The following CEP295 variants were observed in gnomAD, a reference collection of about 807,000 sequenced individuals.
CEP295 encodes centrosomal protein of 295 kDa.
A neutral mutation model predicts 291.6 loss-of-function variants in CEP295; 190 were observed. The ratio of observed to expected loss-of-function variants is 0.65; its 90% CI spans 0.58 to 0.73. CEP295 has a LOEUF of 0.73. Ranked by LOEUF, CEP295 falls within the 30% of genes least tolerant of loss-of-function variation. CEP295 has a pLI of 0.00. For synonymous variants in CEP295, 993 were observed against 1,038.8 expected (o/e 0.96, Z 0.85); for missense variants, 2,863 against 2,949.4 (o/e 0.97, Z 0.68).
intron 17 of CEP295, among the ~76,000 whole-genome samples, chr11:93,703,778 T>G (rs868700863): frequency 6.7e-5 from 10 of 149,378 alleles, no homozygotes; most frequent in Middle Eastern, 3.4e-3. Flanking sequence ...TTTTTTTTTT[T>G]TTTTTTTTGA....
At position 93,698,406 on chromosome 11, in the gene CEP295, T is replaced by A. The variant is rs1233467275; in HGVS notation, c.3494T>A (p.Ile1165Lys). Reference sequence around the variant, plus strand: ...CTGGCACAGCAAGAAAATTTGACAATACTCCAAGAACAGTCACAAATACAA... The same window carrying A: ...CTGGCACAGCAAGAAAATTTGACAAAACTCCAAGAACAGTCACAAATACAA... ...HSLAQQENLT[I>K]LQEQSQIQRV... The change falls in exon 15 of 30, where the codon ATA becomes AAA. Residue 1165 changes from isoleucine (I) to lysine (K), a missense_variant. By Grantham distance (102) the Ile-to-Lys change is moderately radical. Coordinates refer to ENST00000325212, the MANE Select transcript of CEP295 (RefSeq NM_033395.2). The A allele has an allele frequency of 1.7e-5, 27 of 1,551,996 alleles. No individual in the cohort carries two copies. Among genetic ancestry groups the A allele is most frequent in the Non-Finnish European group, 2.4e-5 (27 of 1,147,074 alleles).
chr11:93,725,164 T>C (rs1954050396), intron 22 of CEP295, among the ~76,000 whole-genome samples: 1 of 151,940 alleles, frequency 6.6e-6, no homozygotes, highest in African/African-American at 2.4e-5. Flanking sequence ...TGAGAACCGC[T>C]TGAACCTGGG....
intron 19 of CEP295, 200 bp from the exon 20 acceptor site, chr11:93,721,754 T>TG (rs754124024): frequency 4.2e-5 from 29 of 682,844 alleles, no homozygotes; most frequent in East Asian, 5.7e-5. Context: ...AGATTGAGGG[T>TG]GGGGGGGTGC....
Position 93,727,285 on chromosome 11 carries a change from A to AC in CEP295, c.6811dup (p.Gln2271ProfsTer12). ...AACTCTAGTGAGTGCTCAACAAAAC[A>AC]CCAACTAGAAAGCAGAAAGGAAAGT... On this transcript the variant is annotated frameshift_variant, in exon 24 of 30. Coordinates refer to ENST00000325212, the MANE Select transcript of CEP295 (RefSeq NM_033395.2). LOFTEE classifies it high-confidence loss of function. The AC allele has an allele frequency of 1.3e-6, 2 of 1,551,706 alleles. No individual in the cohort carries two copies. Among genetic ancestry groups the AC allele is most frequent in the Non-Finnish European group, 1.7e-6 (2 of 1,146,942 alleles).
intron 18 of CEP295, 92 bp from the exon 19 acceptor site, chr11:93,721,220 C>A: frequency 1.4e-6 from 1 of 704,758 alleles, no homozygotes; most frequent in Non-Finnish European, 2.5e-6. Context: ...TGTAGGAAAG[C>A]AGGGAATGGT....
intron 12 of CEP295, 132 bp downstream of exon 12, chr11:93,692,162 A>G: frequency 3.4e-6 from 2 of 592,206 alleles, no homozygotes; most frequent in East Asian, 5.9e-5. Flanking sequence ...TCTTACACAA[A>G]CATTCAGCTG....
chr11:93,700,474 G>A (rs1376796910), intron 15 of CEP295, among the ~76,000 whole-genome samples: 1 of 147,330 alleles, frequency 6.8e-6, no homozygotes, highest in African/African-American at 2.6e-5. Context: ...TGTCCAGGCT[G>A]GAGTAGAGTG....
Position 93,727,356 on chromosome 11 carries a change from CAA to C in CEP295, c.6882_6883del (p.Gln2296ArgfsTer4). 1.3e-6 allele frequency: 2 copies of C among 1,551,368 alleles called. No homozygotes were observed. The highest frequency in any genetic ancestry group is 4.9e-5 in the East Asian group (2 of 40,882). On this transcript the variant is annotated frameshift_variant, in exon 24 of 30. Transcript: ENST00000325212. LOFTEE classifies it high-confidence loss of function. ...LSKRGVVTML[Q>X]SQGLIEDNKN... Reference sequence around the variant, plus strand: ...AAAAAGAGGGGTTGTTACAATGTTACAAAGTCAAGGACTCATTGAAGATAATA... The same window carrying C: ...AAAAAGAGGGGTTGTTACAATGTTACAGTCAAGGACTCATTGAAGATAATA...
chr11:93,677,581 A>G (rs1172041026), intron 6 of CEP295, among the ~76,000 whole-genome samples: 1 of 152,160 alleles, frequency 6.6e-6, no homozygotes, highest in Admixed American at 6.5e-5. Context: ...CCTACATTAC[A>G]TATTCATGGG....
intron 12 of CEP295, among the ~76,000 whole-genome samples, chr11:93,692,972 CAA>C (rs780110779): frequency 9.0e-5 from 7 of 77,804 alleles, no homozygotes; most frequent in East Asian, 3.2e-4. Flanking sequence ...GACTCTATCT[CAA>C]AAAAAAAAAA....
Position 93,697,900 on chromosome 11 carries a change from A to G in CEP295, c.2988A>G (p.Pro996=). ...VCSEQAEPSF[P]FQVAQHTFTS... is the part of the protein sequence containing the mutation. Reference sequence around the variant, plus strand: ...CCGAACAGGCTGAGCCCTCTTTCCCATTTCAGGTAGCTCAGCATACATTTA... The same window carrying G: ...CCGAACAGGCTGAGCCCTCTTTCCCGTTTCAGGTAGCTCAGCATACATTTA... Residue 996 remains proline, a synonymous_variant, in exon 15 of 30, where the codon CCA becomes CCG. Transcript: ENST00000325212. 3 of 1,551,734 alleles carry G rather than the reference A, an allele frequency of 1.9e-6. No homozygotes were observed. Among genetic ancestry groups the G allele is most frequent in the East Asian group, 2.4e-5 (1 of 40,918 alleles).
chr11:93,726,748 T>C (rs1017913127), intron 23 of CEP295: 2 of 395,942 alleles, frequency 5.1e-6, no homozygotes, highest in Non-Finnish European at 8.9e-6. Context: ...TATAGCCATA[T>C]TGTCCTTATT....
chr11:93,720,145 G>T (rs1457292749), intron 18 of CEP295, among the ~76,000 whole-genome samples: 3 of 150,186 alleles, frequency 2.0e-5, no homozygotes, highest in Non-Finnish European at 4.4e-5. Context: ...ATCACTTCAG[G>T]CTAGCAGTTC....
intron 1 of CEP295, 88 bp downstream of exon 1, chr11:93,661,862 T>G (rs1480673455): frequency 2.6e-5 from 4 of 152,654 alleles, no homozygotes; most frequent in Non-Finnish European, 4.4e-5. Context: ...TCCGGAGGAA[T>G]GGGATCCCAG....
At chr11:93,724,418 T>C (rs1325513970) in intron 22 of CEP295, 43 bp downstream of exon 22, 2 of 1,526,538 alleles carry the variant, frequency 1.3e-6, no homozygotes, top group Non-Finnish European at 1.8e-6. Context: ...TATCTAAAAA[T>C]AGTTTTAAGC....
chr11:93,698,449 T>C lies in CEP295; in HGVS notation c.3537T>C (p.Ala1179=), dbSNP rs1326331606. 10 of 1,552,034 alleles carry C rather than the reference T, an allele frequency of 6.4e-6. No individual in the cohort carries two copies. The highest frequency in any genetic ancestry group is 1.2e-5 in the South Asian group (1 of 84,064). ...QSQIQRVILG[A]KEGTQEFVHT... ...AAATACAAAGGGTAATACTTGGTGC[T>C]AAAGAAGGAACTCAGGAATTTGTAC... Residue 1179 remains alanine, a synonymous_variant, in exon 15 of 30, where the codon GCT becomes GCC. Transcript: ENST00000325212.
chr11:93,676,294 G>C (rs1950686373), intron 6 of CEP295, among the ~76,000 whole-genome samples: 1 of 151,910 alleles, frequency 6.6e-6, no homozygotes, highest in South Asian at 2.1e-4. Flanking sequence ...CAACATAGGA[G>C]AATGACCACC....
At chr11:93,688,754 A>G (rs997119968) in intron 10 of CEP295, among the ~76,000 whole-genome samples, 2 of 152,074 alleles carry the variant, frequency 1.3e-5, no homozygotes, top group Non-Finnish European at 2.9e-5. Flanking sequence ...TCATCTGTAA[A>G]CTGATGTCTC....
intron 18 of CEP295, chr11:93,719,822 T>TTA (rs1406450607): frequency 6.6e-6 from 1 of 152,166 alleles, no homozygotes. Flanking sequence ...AGAATTTTGT[T>TTA]TATATTCAGT....
Sources: gnomAD v4.1 joint callset for allele counts (sites outside exome capture counted in the v4.1 genomes callset) on GRCh38, gnomAD v4.1.1 for gene constraint, MANE v1.5 for transcripts, NCBI Gene and HGNC (gene_info 2026-07-23, HGNC 2026-07-21) for gene names.